GPHN: variants seen among roughly 807,000 people sequenced by gnomAD.
GPHN encodes the protein gephyrin.
In GPHN, 17 loss-of-function variants were observed where a neutral mutation model predicts 95.5. The observed-to-expected ratio is 0.18, with a 90% CI of 0.12 to 0.27. The LOEUF is 0.27. Among genes scored for constraint, GPHN ranks in the 10% least tolerant of loss-of-function variants. GPHN has a pLI of 1.00. For synonymous variants in GPHN, 320 were observed against 322.5 expected (o/e 0.99, Z 0.08); for missense variants, 660 against 978.1 (o/e 0.67, Z 4.34).
At chr14:67,701,713 C>T in the GPHN span, among the ~76,000 whole-genome samples, 3 of 151,948 alleles carry the variant, frequency 2.0e-5, no homozygotes, top group African/African-American at 4.8e-5. Context: ...TGAGTCACCA[C>T]GCCAGGCCTA....
chr14:66,621,895 C>T (rs2063322086), intron 1 of GPHN, among the ~76,000 whole-genome samples: 1 of 152,138 alleles, frequency 6.6e-6, no homozygotes, highest in Non-Finnish European at 1.5e-5. Context: ...CTGTCTGTGG[C>T]TTTTCCAGGC....
intron 11 of GPHN, among the ~76,000 whole-genome samples, chr14:67,086,461 C>T: frequency 6.9e-6 from 1 of 145,258 alleles, no homozygotes; most frequent in South Asian, 2.3e-4. Flanking sequence ...ACCATCCTGG[C>T]TAACACGGTG....
chr14:66,545,541 C>T (rs1409619711), intron 1 of GPHN, among the ~76,000 whole-genome samples: 174 of 98,660 alleles, frequency 1.8e-3, no homozygotes, highest in African/African-American at 8.6e-3. Context: ...CCGGACGGGG[C>T]GGCTGGCCGG....
At chr14:66,943,373 G>T (rs904548607) in intron 8 of GPHN, among the ~76,000 whole-genome samples, 16 of 152,154 alleles carry the variant, frequency 1.1e-4, no homozygotes, top group Admixed American at 6.5e-5. Flanking sequence ...TTCATTATGT[G>T]CTAGGTGCTG....
intron 9 of GPHN, chr14:66,985,638 T>C (rs2070976029): frequency 7.4e-7 from 1 of 1,359,128 alleles, no homozygotes; most frequent in Non-Finnish European, 1.0e-6. Flanking sequence ...TTAAGTTCAC[T>C]TTTTCTTTAT....
intron 5 of GPHN, among the ~76,000 whole-genome samples, chr14:66,909,615 C>A (rs2153554495): frequency 1.3e-5 from 2 of 152,020 alleles, no homozygotes; most frequent in South Asian, 4.1e-4. Flanking sequence ...AATTCCAAAC[C>A]TGTTTATGAA....
intron 8 of GPHN, among the ~76,000 whole-genome samples, chr14:66,960,080 CT>C (rs1442184269): frequency 6.6e-6 from 1 of 151,716 alleles, no homozygotes; most frequent in Non-Finnish European, 1.5e-5. Flanking sequence ...TATTTGGTTT[CT>C]TTTTATGATA....
chr14:66,912,467 A>G (rs1389920323), intron 5 of GPHN, among the ~76,000 whole-genome samples: 1 of 152,150 alleles, frequency 6.6e-6, no homozygotes, highest in East Asian at 1.9e-4. Flanking sequence ...TATATTTTAT[A>G]TACATAAACA....
At chr14:67,529,662 A>T in the GPHN span, among the ~76,000 whole-genome samples, 3 of 152,074 alleles carry the variant, frequency 2.0e-5, no homozygotes, top group South Asian at 6.2e-4. Context: ...AGCCCCACTT[A>T]GATGGTGACT....
At chr14:67,086,544 G>A (rs967995141) in intron 11 of GPHN, among the ~76,000 whole-genome samples, 22 of 150,982 alleles carry the variant, frequency 1.5e-4, no homozygotes, top group African/African-American at 5.4e-4. Context: ...CCAGCTACTC[G>A]GGAGGCTAAG....
the GPHN span, among the ~76,000 whole-genome samples, chr14:67,250,784 T>C: frequency 1.3e-5 from 2 of 152,234 alleles, no homozygotes; most frequent in Admixed American, 1.3e-4. Context: ...TTTGTAGGCA[T>C]CCTAAAGGAA....
intron 16 of GPHN, among the ~76,000 whole-genome samples, chr14:67,118,182 T>C (rs567021590): frequency 2.0e-5 from 3 of 152,306 alleles, no homozygotes; most frequent in East Asian, 1.9e-4. Context: ...CTCGTGTATA[T>C]ATGGGACATA....
At chr14:66,756,263 T>A (rs1040335588) in intron 2 of GPHN, among the ~76,000 whole-genome samples, 4 of 152,218 alleles carry the variant, frequency 2.6e-5, no homozygotes, top group African/African-American at 9.7e-5. Flanking sequence ...CAGCTATCAT[T>A]TATTTAATGC....
At chr14:67,107,975 G>A (rs994347924) in intron 13 of GPHN, among the ~76,000 whole-genome samples, 5 of 152,190 alleles carry the variant, frequency 3.3e-5, no homozygotes, top group Admixed American at 3.3e-4. Context: ...GCTTGGCAAA[G>A]TGTGTGCAAC....
At chr14:67,244,714 A>T in the GPHN span, among the ~76,000 whole-genome samples, 1 of 152,270 alleles carries the variant, frequency 6.6e-6, no homozygotes, top group East Asian at 1.9e-4. Context: ...TCTTAAGTAG[A>T]TGGAATATGG....
chr14:66,644,858 G>A (rs2064643214), intron 1 of GPHN, among the ~76,000 whole-genome samples: 2 of 151,926 alleles, frequency 1.3e-5, no homozygotes, highest in Non-Finnish European at 2.9e-5. Context: ...ATAAGCTAAT[G>A]ATTATATTTA....
At chr14:67,539,276 T>C in the GPHN span, among the ~76,000 whole-genome samples, 8 of 152,310 alleles carry the variant, frequency 5.3e-5, no homozygotes, top group Non-Finnish European at 1.2e-4. Context: ...AAGGTCATGT[T>C]TTGTTTTTGT....
At chr14:67,659,704 A>C in the GPHN span, 54 of 1,568,912 alleles carry the variant, frequency 3.4e-5, no homozygotes, top group South Asian at 3.3e-4. Flanking sequence ...AAGGAAAAAA[A>C]AAACAAACAA....
downstream of GPHN, among the ~76,000 whole-genome samples, chr14:67,184,184 A>G (rs867366938): frequency 2.6e-5 from 4 of 152,236 alleles, no homozygotes; most frequent in Middle Eastern, 3.2e-3. Flanking sequence ...TGTAAGACTG[A>G]AAAAGTACTG....
Sources: gnomAD v4.1 joint callset for allele counts (sites outside exome capture counted in the v4.1 genomes callset) on GRCh38, gnomAD v4.1.1 for gene constraint, MANE v1.5 for transcripts, NCBI Gene and HGNC (gene_info 2026-07-23, HGNC 2026-07-21) for gene names.